The following PARD3B variants were observed in gnomAD, a reference collection of about 807,000 sequenced individuals.
PARD3B encodes partitioning defective 3 homolog B.
A neutral mutation model predicts 130.2 loss-of-function variants in PARD3B; 103 were observed. The observed-to-expected ratio is 0.79, with a 90% CI of 0.67 to 0.93. The LOEUF (loss-of-function observed/expected upper bound fraction) is 0.93, where lower values mean the gene tolerates loss of function less well. Ranked by LOEUF, PARD3B falls within the 40% of genes least tolerant of loss-of-function variation. The pLI is 0.00. For synonymous variants in PARD3B, 583 were observed against 553.2 expected (o/e 1.05, Z -0.76); for missense variants, 1,609 against 1,499.2 (o/e 1.07, Z -1.21).
At chr2:204,992,559 G>A (rs1445968257) in intron 3 of PARD3B, among the ~76,000 whole-genome samples, 31 of 144,112 alleles carry the variant, frequency 2.2e-4, no homozygotes, top group African/African-American at 5.7e-4. Flanking sequence ...TTGGCGATGC[G>A]GGCTCTTTTT....
At chr2:205,491,368 G>T (rs961547974) in intron 20 of PARD3B, among the ~76,000 whole-genome samples, 1 of 151,996 alleles carries the variant, frequency 6.6e-6, no homozygotes, top group East Asian at 1.9e-4. Flanking sequence ...ATAGGGAATT[G>T]TTTCCCCATT....
At chr2:205,477,603 A>C (rs1390269386) in intron 20 of PARD3B, among the ~76,000 whole-genome samples, 1 of 146,554 alleles carries the variant, frequency 6.8e-6, no homozygotes, top group Non-Finnish European at 1.5e-5. Context: ...TGTTAAAAAA[A>C]AAAATAAGCA....
chr2:205,407,926 G>A lies in PARD3B; in HGVS notation c.2741+6803G>A, dbSNP rs574606988. ...GTTGTATTAATTAAACATTGCTTTC[G>A]TAGATCTTACTAGAATCTTAGCAGG... On this transcript the variant is annotated intron_variant, in intron 19 of 22. Transcript: ENST00000406610. This position sits in a 1 kb window ranked among gnomAD's most constrained non-coding sequence, Gnocchi z 4.1. Among the ~76,000 whole-genome samples the A allele has an allele frequency of 2.2e-4, 33 of 152,114 alleles. No individual in the cohort carries two copies. The highest frequency in any genetic ancestry group is 6.0e-4 in the African/African-American group (25 of 41,508).
chr2:205,137,277 A>G (rs1340188523), intron 10 of PARD3B, among the ~76,000 whole-genome samples: 1 of 152,212 alleles, frequency 6.6e-6, no homozygotes, highest in Non-Finnish European at 1.5e-5. Context: ...GGCCCTAGAT[A>G]GATTCGAAGA....
chr2:204,661,276 T>A (rs2125183791), intron 1 of PARD3B, among the ~76,000 whole-genome samples: 1 of 152,342 alleles, frequency 6.6e-6, no homozygotes, highest in East Asian at 1.9e-4. Context: ...TGAATAAATG[T>A]TAGTGTGAAT....
intron 21 of PARD3B, among the ~76,000 whole-genome samples, chr2:205,542,770 A>C (rs545306047): frequency 6.6e-6 from 1 of 152,306 alleles, no homozygotes; most frequent in East Asian, 1.9e-4. Flanking sequence ...CAGTTACATA[A>C]TTTAGATTCC....
intron 15 of PARD3B, among the ~76,000 whole-genome samples, chr2:205,245,402 GAC>G (rs2039528196): frequency 6.6e-6 from 1 of 152,040 alleles, no homozygotes; most frequent in Non-Finnish European, 1.5e-5. Context: ...TATACACACA[GAC>G]ACACACACGT....
chr2:204,773,260 C>T (rs1278909575), intron 2 of PARD3B, among the ~76,000 whole-genome samples: 3 of 151,740 alleles, frequency 2.0e-5, no homozygotes, highest in African/African-American at 2.4e-5. Context: ...GAGTCTCTTA[C>T]GGAGTAAACT....
intron 21 of PARD3B, among the ~76,000 whole-genome samples, chr2:205,551,670 T>A (rs1174187790): frequency 6.6e-6 from 1 of 152,194 alleles, no homozygotes; most frequent in Non-Finnish European, 1.5e-5. Context: ...AAGTGTATAC[T>A]TGTTTTGCAA....
intron 4 of PARD3B, among the ~76,000 whole-genome samples, chr2:205,096,509 C>T (rs1010208051): frequency 6.6e-6 from 1 of 152,212 alleles, no homozygotes; most frequent in Non-Finnish European, 1.5e-5. Context: ...GATTTAGCCT[C>T]TGTAGCACAT....
chr2:205,052,770 A>G (rs1699316312), intron 4 of PARD3B, among the ~76,000 whole-genome samples: 1 of 152,118 alleles, frequency 6.6e-6, no homozygotes, highest in South Asian at 2.1e-4. Context: ...TCATATTATC[A>G]CCTGTTTACA....
At chr2:205,289,376 T>A (rs1280537646) in intron 16 of PARD3B, among the ~76,000 whole-genome samples, 2 of 152,172 alleles carry the variant, frequency 1.3e-5, no homozygotes. Context: ...AAAAATATGA[T>A]GCTAAGCGGT....
rs1400257986 is a variant in PARD3B at position 205,301,909 on chromosome 2, T to A, written c.2630+208T>A. 4 of 792,442 alleles carry A rather than the reference T, an allele frequency of 5.0e-6. No individual in the cohort carries two copies. Among genetic ancestry groups the A allele is most frequent in the Non-Finnish European group, 8.7e-6 (4 of 457,278 alleles). 49.1% of individuals were successfully genotyped at this position (792,442 alleles called of 1,614,324 possible). A position where few individuals can be genotyped will look rare whatever the true frequency, so the allele number is the denominator to read the frequency against. ...AGTGATGACAGGACACTGTCTTAAG[T>A]TTGTTGTCAAAGAAAGGTCAACACT... On this transcript the variant is annotated intron_variant, in intron 18 of 22. Coordinates refer to ENST00000406610, the MANE Select transcript of PARD3B (RefSeq NM_001302769.2). The surrounding 1 kb of genome is among the most constrained non-coding windows in gnomAD (Gnocchi z 5.2).
At chr2:205,399,411 G>A (rs1012157336) in intron 18 of PARD3B, among the ~76,000 whole-genome samples, 2 of 151,956 alleles carry the variant, frequency 1.3e-5, no homozygotes. Context: ...CTGGGCTGCA[G>A]TGGTGCCATC....
intron 4 of PARD3B, among the ~76,000 whole-genome samples, chr2:205,052,614 C>CA (rs1016869324): frequency 6.6e-6 from 1 of 151,026 alleles, no homozygotes; most frequent in Non-Finnish European, 1.5e-5. Context: ...AAAAGAATAA[C>CA]AAAAAATCAA....
chr2:205,103,403 A>T (rs1359516442), intron 4 of PARD3B, among the ~76,000 whole-genome samples: 7 of 142,044 alleles, frequency 4.9e-5, no homozygotes, highest in South Asian at 2.2e-4. Context: ...TTATATAAAT[A>T]AAATATTTAT....
chr2:205,277,149 C>G (rs1276850834), intron 16 of PARD3B, among the ~76,000 whole-genome samples: 1 of 152,212 alleles, frequency 6.6e-6, no homozygotes. Flanking sequence ...AGTATTCACT[C>G]TGCTGGCCGT....
chr2:205,144,377 G>A (rs2033197026), intron 10 of PARD3B, among the ~76,000 whole-genome samples: 1 of 152,242 alleles, frequency 6.6e-6, no homozygotes, highest in Middle Eastern at 3.4e-3. Context: ...TCATAATTTG[G>A]GGATGATTTG....
At chr2:205,100,841 A>C (rs1702726352) in intron 4 of PARD3B, among the ~76,000 whole-genome samples, 1 of 152,196 alleles carries the variant, frequency 6.6e-6, no homozygotes, top group Non-Finnish European at 1.5e-5. Context: ...GAATGAACTC[A>C]AAATGATAAT....
Sources: gnomAD v4.1 joint callset for allele counts (sites outside exome capture counted in the v4.1 genomes callset) on GRCh38, gnomAD v4.1.1 for gene constraint, Gnocchi (gnomAD v3.1) non-coding constraint, MANE v1.5 for transcripts, NCBI Gene and HGNC (gene_info 2026-07-23, HGNC 2026-07-21) for gene names.